SCRIB: variants seen among roughly 807,000 people sequenced by gnomAD.
The protein encoded by SCRIB is protein scribble homolog.
A neutral mutation model predicts 170.0 loss-of-function variants in SCRIB; 72 were observed. The observed-to-expected ratio is 0.42, with a 90% CI of 0.35 to 0.52. The LOEUF is 0.52. Among genes scored for constraint, SCRIB ranks in the 20% least tolerant of loss-of-function variants. The probability of loss-of-function intolerance (pLI) is 0.02; values close to 1 mark genes in which losing one functional copy is unlikely to be tolerated. For missense variants in SCRIB, 2,475 were observed against 2,338.5 expected (o/e 1.06, Z -1.20); for synonymous variants, 1,298 against 1,044.3 (o/e 1.24, Z -4.68).
chr8:143,793,082 G>A lies in SCRIB; in HGVS notation c.3911C>T (p.Pro1304Leu), dbSNP rs1245570090. 2.7e-5 allele frequency: 40 copies of A among 1,461,856 alleles called. No individual in the cohort carries two copies. The highest frequency in any genetic ancestry group is 2.1e-4 in the Middle Eastern group (1 of 4,678). 90.6% of individuals were successfully genotyped at this position (1,461,856 alleles called of 1,614,324 possible). Residue 1304 changes from proline (P) to leucine (L), a missense_variant and splice_region_variant, in exon 29 of 37, where the codon CCG (proline) becomes CTG (leucine). Physicochemically the swap from Pro to Leu is moderately conservative, Grantham distance 98. Coordinates refer to ENST00000356994, the MANE Select transcript of SCRIB (RefSeq NM_182706.5). Reference protein sequence around the residue: ...ESPCSPSGQQPPSPPSPDELP... With the variant: ...ESPCSPSGQQLPSPPSPDELP... ...CTCATCCGGAGAAGGCGGGGAGGGC[G>A]GCTGGGGGGTGGGGCTCTTGTGAGC...
At chr8:143,805,558 C>A in intron 18 of SCRIB, 123 bp from the exon 19 acceptor site, 1 of 1,016,596 alleles carries the variant, frequency 9.8e-7, no homozygotes, top group Admixed American at 3.3e-5. Flanking sequence ...GGGAAAGGCC[C>A]CAGGCGCTGA....
At chr8:143,814,942 C>G in intron 1 of SCRIB, 1 of 480,064 alleles carries the variant, frequency 2.1e-6, no homozygotes. Context: ...CCCCATCCAC[C>G]TCCCTGAATC....
chr8:143,815,125 T>G, intron 1 of SCRIB, 89 bp downstream of exon 1: 5 of 1,372,516 alleles, frequency 3.6e-6, no homozygotes, highest in Non-Finnish European at 4.8e-6. Context: ...GGCTGGAGGC[T>G]GCGGTGACTC....
intron 28 of SCRIB, chr8:143,793,421 G>T: frequency 6.4e-6 from 2 of 311,974 alleles, no homozygotes; most frequent in Non-Finnish European, 1.2e-5. Flanking sequence ...GTAGAGAGGG[G>T]GGTGGGAGAG....
At chr8:143,796,064 C>T (rs1225731249) in intron 24 of SCRIB, among the ~76,000 whole-genome samples, 7 of 152,066 alleles carry the variant, frequency 4.6e-5, no homozygotes, top group African/African-American at 7.2e-5. Flanking sequence ...ACTGGCAGGG[C>T]GGAGGGGGCG....
Position 143,805,280 on chromosome 8 carries a change from G to A in SCRIB, c.2502C>T (p.Tyr834=), listed in dbSNP as rs1815372118. 1 of 1,554,806 alleles carries A rather than the reference G, an allele frequency of 6.4e-7. No individual in the cohort carries two copies. The highest frequency in any genetic ancestry group is 8.6e-7 in the Non-Finnish European group (1 of 1,156,392). ...CCCCTCCCCGCCGCTCTCGGGGGCT[G>A]TAATCATCCTCGGGCCGCAGCGGCG... ...TITPLRPEDD[Y]SPRERRGGGL... Residue 834 remains tyrosine (Y), a synonymous_variant, in exon 19 of 37, where the codon TAC becomes TAT. Transcript: ENST00000356994.
chr8:143,791,998 A>C lies in SCRIB; in HGVS notation c.4650T>G (p.Pro1550=). The change falls in exon 33 of 37, where the codon CCT becomes CCG. Residue 1550 remains proline (P), a synonymous_variant. Transcript: ENST00000356994. ...CTGCCCTGACCCACAGACCTTCCAC[A>C]GGGGTGGGCGACGGGGTGGGCGCAG... ...PSPAPTPSPT[P]VEDLGPQTST... 7.7e-7 allele frequency: 1 copy of C among 1,307,126 alleles called. No homozygotes were observed. The highest frequency in any genetic ancestry group is 1.0e-6 in the Non-Finnish European group (1 of 974,408). 81.0% of individuals were successfully genotyped at this position (1,307,126 alleles called of 1,614,324 possible).
chr8:143,792,421 G>C lies in SCRIB; in HGVS notation c.4329-16C>G, dbSNP rs1554633071. The C allele has an allele frequency of 4.0e-6, 6 of 1,507,798 alleles. No homozygotes were observed. In the Admixed American group the frequency reaches 1.0e-4, roughly 25 times the overall value. 93.4% of individuals were successfully genotyped at this position (1,507,798 alleles called of 1,614,324 possible). A position where few individuals can be genotyped will look rare whatever the true frequency, so the allele number is the denominator to read the frequency against. ...CGGGCTCTGCCTGGGGAAGGGACAG[G>C]ACGTGCTGTGGGGGGCAGGGGCACG... On this transcript the variant is annotated splice_polypyrimidine_tract_variant and intron_variant, in intron 31 of 36. Coordinates refer to ENST00000356994, the MANE Select transcript of SCRIB (RefSeq NM_182706.5).
chr8:143,808,834 C>G lies in SCRIB; in HGVS notation c.1890G>C (p.Gln630His). Residue 630 changes from glutamine (Q) to histidine (H), a missense_variant, in exon 15 of 37, where the codon CAG (glutamine) becomes CAC (histidine). Physicochemically the swap from Gln to His is conservative, Grantham distance 24. Transcript: ENST00000356994. ...PQPEAVVALL[Q>H]GMQPDGEGPV... The stretch of plus-strand genomic sequence containing the variant: ...GGCCCTCCCCATCAGGCTGCATGCC[C>G]TGCAGCAGAGCCACAACGGCCTCGG... 1 of 1,611,596 alleles carries G rather than the reference C, an allele frequency of 6.2e-7. No individual in the cohort carries two copies. The highest frequency in any genetic ancestry group is 8.5e-7 in the Non-Finnish European group (1 of 1,179,828).
intron 24 of SCRIB, among the ~76,000 whole-genome samples, chr8:143,797,541 C>T (rs1243521107): frequency 6.6e-6 from 1 of 152,210 alleles, no homozygotes; most frequent in East Asian, 1.9e-4. Flanking sequence ...TTGCTGATTT[C>T]AAGGGGCAGG....
At chr8:143,805,730 T>A (rs1328346945) in intron 18 of SCRIB, among the ~76,000 whole-genome samples, 2 of 152,208 alleles carry the variant, frequency 1.3e-5, no homozygotes, top group Admixed American at 1.3e-4. Flanking sequence ...GCCCCGCTCC[T>A]GGATACCTCC....
chr8:143,809,782 T>C, intron 13 of SCRIB, 64 bp from the exon 14 acceptor site: 1 of 1,563,854 alleles, frequency 6.4e-7, no homozygotes, highest in Non-Finnish European at 8.7e-7. Flanking sequence ...CCACCTGGGA[T>C]GCCCCCCACG....
At chr8:143,794,245 G>C in intron 27 of SCRIB, 2 of 451,460 alleles carry the variant, frequency 4.4e-6, no homozygotes, top group South Asian at 4.2e-5. Flanking sequence ...CCGGAGAAGA[G>C]AGCAGGGAGG....
intron 34 of SCRIB, 26 bp downstream of exon 34, chr8:143,791,850 G>A (rs781870281): frequency 1.2e-5 from 19 of 1,542,452 alleles, no homozygotes; most frequent in Non-Finnish European, 1.7e-5. Flanking sequence ...GGGGGTGAAG[G>A]GAAGGCATAG....
intron 18 of SCRIB, among the ~76,000 whole-genome samples, chr8:143,806,077 A>T (rs1164985846): frequency 1.3e-5 from 2 of 152,154 alleles, no homozygotes; most frequent in Non-Finnish European, 2.9e-5. Context: ...CGGTCAGCCC[A>T]GGAGCGGCCC....
At chr8:143,807,076 G>A in intron 16 of SCRIB, 63 bp from the exon 17 acceptor site, 1 of 1,206,288 alleles carries the variant, frequency 8.3e-7, no homozygotes. Context: ...GCTCTCTGCA[G>A]GAGACCCCAC....
intron 24 of SCRIB, among the ~76,000 whole-genome samples, chr8:143,796,012 C>T (rs782068776): frequency 6.6e-6 from 1 of 152,184 alleles, no homozygotes; most frequent in Non-Finnish European, 1.5e-5. Flanking sequence ...GCCCGGCCAG[C>T]TCTGCACTCC....
intron 27 of SCRIB, 132 bp from the exon 28 acceptor site, chr8:143,794,094 G>C: frequency 2.5e-6 from 2 of 797,396 alleles, no homozygotes; most frequent in Admixed American, 4.8e-5. Context: ...TATAGCCCAG[G>C]GGATGCCCCA....
Position 143,811,053 on chromosome 8 carries a change from C to T in SCRIB, c.1126G>A (p.Ala376Thr). The T allele has an allele frequency of 1.2e-6, 2 of 1,612,028 alleles. No homozygotes were observed. The highest frequency in any genetic ancestry group is 1.7e-6 in the Non-Finnish European group (2 of 1,179,550). The change falls in exon 11 of 37, where the codon GCG becomes ACG. Residue 376 changes from alanine (A) to threonine (T), a missense_variant. Physicochemically the swap from Ala to Thr is moderately conservative, Grantham distance 58 (BLOSUM62 0). Coordinates refer to ENST00000356994, the MANE Select transcript of SCRIB (RefSeq NM_182706.5). The part of the protein sequence containing the change: ...AGNRLQSLPF[A>T]LTHLNLKALW... ...GCCTTGAGATTGAGGTGGGTGAGCG[C>T]GAACGGCAGACTCTGCAGGCTGCGG...
Sources: allele counts gnomAD v4.1 joint callset (sites outside exome capture counted in the v4.1 genomes callset), GRCh38; gene constraint gnomAD v4.1.1; transcripts MANE v1.5; gene names NCBI Gene and HGNC (gene_info 2026-07-23, HGNC 2026-07-21).